Variants in FAF1 observed in about 807,000 individuals in gnomAD.
FAF1 encodes FAS-associated factor 1.
Under a neutral mutation model 92.5 loss-of-function variants are expected in FAF1, and 25 were observed. The observed-to-expected ratio is 0.27, with a 90% CI of 0.20 to 0.38. The LOEUF (loss-of-function observed/expected upper bound fraction) is 0.38, where lower values mean the gene tolerates loss of function less well. FAF1 is among the 10% of genes least tolerant of loss of function. FAF1 has a pLI of 1.00. For missense variants in FAF1, 636 were observed against 793.3 expected, an observed-to-expected ratio of 0.80 and a Z score of 2.38; for synonymous variants, 234 against 273.2, an observed-to-expected ratio of 0.86 and a Z score of 1.42.
At chr1:50,905,799 T>C (rs1477132225) in intron 1 of FAF1, among the ~76,000 whole-genome samples, 2 of 152,228 alleles carry the variant, frequency 1.3e-5, no homozygotes, top group African/African-American at 4.8e-5. Flanking sequence ...GATGGGTAGA[T>C]TGCAAAATTT....
chr1:50,915,062 T>C (rs1644910144), intron 1 of FAF1, among the ~76,000 whole-genome samples: 1 of 152,320 alleles, frequency 6.6e-6, no homozygotes, highest in East Asian at 1.9e-4. Context: ...CTTCTACTCT[T>C]CTTTTTCATC....
intron 1 of FAF1, among the ~76,000 whole-genome samples, chr1:50,875,667 G>C (rs1015555211): frequency 6.6e-6 from 1 of 152,092 alleles, no homozygotes; most frequent in Non-Finnish European, 1.5e-5. Context: ...TGGTCAGGCT[G>C]GTCTCGAACT....
At chr1:50,688,050 G>A (rs909869456) in intron 7 of FAF1, among the ~76,000 whole-genome samples, 2 of 151,894 alleles carry the variant, frequency 1.3e-5, no homozygotes, top group Non-Finnish European at 2.9e-5. Context: ...CAGAAGAACA[G>A]CGTGAACCCG....
chr1:50,590,305 T>G (rs1020514944), intron 9 of FAF1, among the ~76,000 whole-genome samples: 1 of 152,226 alleles, frequency 6.6e-6, no homozygotes, highest in Non-Finnish European at 1.5e-5. Flanking sequence ...CATTTATTTA[T>G]ATCTTCTTTA....
chr1:50,661,400 T>C (rs1261548684), intron 7 of FAF1, among the ~76,000 whole-genome samples: 4 of 152,196 alleles, frequency 2.6e-5, no homozygotes, highest in South Asian at 2.1e-4. Flanking sequence ...CATTTTGATA[T>C]GGCAAAATAC....
chr1:50,470,542 C>T (rs1646558658), intron 18 of FAF1, among the ~76,000 whole-genome samples: 1 of 152,182 alleles, frequency 6.6e-6, no homozygotes, highest in African/African-American at 2.4e-5. Context: ...TGATATCCAT[C>T]ACTGTTCTAG....
At chr1:50,562,171 C>A (rs1229997230) in intron 13 of FAF1, among the ~76,000 whole-genome samples, 2 of 152,148 alleles carry the variant, frequency 1.3e-5, no homozygotes, top group Admixed American at 6.5e-5. Context: ...ATTGTACTAA[C>A]AATATTTTTA....
At chr1:50,950,762 TCTTC>T (rs956766086) in intron 1 of FAF1, among the ~76,000 whole-genome samples, 10 of 152,216 alleles carry the variant, frequency 6.6e-5, no homozygotes, top group African/African-American at 1.2e-4. Flanking sequence ...GCCACCTTTC[TCTTC>T]CTTCCTTCCT....
At chr1:50,452,243 C>A in intron 18 of FAF1, 3 of 1,020,320 alleles carry the variant, frequency 2.9e-6, no homozygotes, top group Non-Finnish European at 4.0e-6. Flanking sequence ...CTTTACAGAA[C>A]AATTTGCAAG....
At chr1:50,840,438 A>G (rs1266254053) in intron 2 of FAF1, among the ~76,000 whole-genome samples, 1 of 151,980 alleles carries the variant, frequency 6.6e-6, no homozygotes, top group African/African-American at 2.4e-5. Context: ...TGCACAAAAG[A>G]TTTTAATAGA....
In FAF1 at chr1:50,846,573, T is replaced by C. The variant is rs150968910; in HGVS notation, c.114+11356A>G. The C allele has an allele frequency of 1.3e-5, 7 of 527,912 alleles. No homozygotes were observed. The East Asian group carries it at 3.0e-4, about 23-fold the overall frequency. 32.7% of individuals were successfully genotyped at this position (527,912 alleles called of 1,614,324 possible). ...GTTCTGATGGAAAAAGGAGCAATAG[T>C]GAGGAACTTGGAAAACCTGGGTGAG... On this transcript the variant is annotated intron_variant, in intron 2 of 18. Transcript: ENST00000396153.
intron 3 of FAF1, among the ~76,000 whole-genome samples, chr1:50,794,014 A>G (rs1661655899): frequency 6.6e-6 from 1 of 152,136 alleles, no homozygotes; most frequent in South Asian, 2.1e-4. Context: ...TAATGCAAAT[A>G]TTCTCAAATC....
intron 1 of FAF1, among the ~76,000 whole-genome samples, chr1:50,889,107 C>T (rs751756939): frequency 2.6e-5 from 4 of 152,138 alleles, no homozygotes; most frequent in Non-Finnish European, 5.9e-5. Flanking sequence ...GTGTATGTAT[C>T]GAGGAATTTA....
chr1:50,497,013 T>A (rs774986441), intron 15 of FAF1, among the ~76,000 whole-genome samples: 1 of 151,966 alleles, frequency 6.6e-6, no homozygotes, highest in Admixed American at 6.6e-5. Context: ...ATCATTGAAA[T>A]TTTTTCAAAT....
chr1:50,849,316 G>T (rs1045427456), intron 2 of FAF1, among the ~76,000 whole-genome samples: 6 of 151,362 alleles, frequency 4.0e-5, no homozygotes, highest in Admixed American at 3.3e-4. Context: ...TATGCCAATT[G>T]TTGTGTACTG....
chr1:50,575,936 T>A (rs1281869007), intron 12 of FAF1, among the ~76,000 whole-genome samples: 1 of 152,224 alleles, frequency 6.6e-6, no homozygotes, highest in Admixed American at 6.5e-5. Flanking sequence ...AGAAATAGCA[T>A]GACTTTAAAA....
chr1:50,526,462 A>G (rs1647812581), intron 15 of FAF1, among the ~76,000 whole-genome samples: 1 of 151,540 alleles, frequency 6.6e-6, no homozygotes, highest in Non-Finnish European at 1.5e-5. Context: ...TATTATTTTT[A>G]AATAATTTTA....
Position 50,460,742 on chromosome 1 carries a change from T to C in FAF1, c.1869+14722A>G, listed in dbSNP as rs554147957. ...TCAACCTCCCAGACTGAAGTGATCC[T>C]CCCACCTCACTCTCAAGTATCTGGA... is the stretch of plus-strand genomic sequence containing the variant. On this transcript the variant is annotated intron_variant, in intron 18 of 18. Transcript: ENST00000396153. Among the ~76,000 whole-genome samples the C allele has an allele frequency of 2.0e-5, 3 of 151,636 alleles. No homozygotes were observed. In the South Asian group the frequency reaches 6.3e-4, roughly 32 times the overall value.
chr1:50,932,106 T>C (rs1315315421), intron 1 of FAF1, among the ~76,000 whole-genome samples: 1 of 151,772 alleles, frequency 6.6e-6, no homozygotes, highest in African/African-American at 2.4e-5. Context: ...AGACGAAAAT[T>C]CAAGTTGAGA....
Sources: allele counts gnomAD v4.1 joint callset (sites outside exome capture counted in the v4.1 genomes callset), GRCh38; gene constraint gnomAD v4.1.1; transcripts MANE v1.5; gene names NCBI Gene and HGNC (gene_info 2026-07-23, HGNC 2026-07-21).